Variants in NDUFA10 observed in about 807,000 individuals in gnomAD.
The protein encoded by NDUFA10 is NADH dehydrogenase [ubiquinone] 1 alpha subcomplex subunit 10, mitochondrial.
NDUFA10 carries 40 observed loss-of-function variants against 47.8 expected under a neutral mutation model. That is an observed-to-expected ratio of 0.84 (90% CI 0.65 to 1.09). NDUFA10 has a LOEUF of 1.09. Ranked by LOEUF, NDUFA10 falls within the 50% of genes least tolerant of loss-of-function variation. The pLI, the probability that NDUFA10 is intolerant of heterozygous loss-of-function variation, is 0.00. For missense variants in NDUFA10, 413 were observed against 451.1 expected (o/e 0.92, Z 0.76); for synonymous variants, 183 against 172.2 (o/e 1.06, Z -0.49).
intron 4 of NDUFA10, among the ~76,000 whole-genome samples, chr2:239,931,981 G>A (rs768396660): frequency 1.4e-4 from 21 of 151,846 alleles, no homozygotes; most frequent in South Asian, 2.1e-4. Context: ...GACCACAGGC[G>A]CCCATCACCA....
chr2:240,018,210 C>G (rs538694952), intron 4 of NDUFA10, among the ~76,000 whole-genome samples: 1 of 152,332 alleles, frequency 6.6e-6, no homozygotes, highest in East Asian at 1.9e-4. Context: ...AAGTCTGTTA[C>G]AATTAGAGCT....
At chr2:240,013,434 GA>G (rs1200561878) in intron 5 of NDUFA10, 1 of 152,206 alleles carries the variant, frequency 6.6e-6, no homozygotes, top group Non-Finnish European at 1.5e-5. Context: ...TTAAATGTAT[GA>G]CTTTGTTTTT....
rs115802926 is a variant in NDUFA10, at chr2:239,981,151, A to G, written c.999+8923T>C. ...AGGATACCCGGTTAAAAACCTTGGG[A>G]CATACTTATACTAAAATACTAGCTG... On this transcript the variant is annotated intron_variant, in intron 9 of 9. Coordinates refer to ENST00000252711, the MANE Select transcript of NDUFA10 (RefSeq NM_004544.4). Among the ~76,000 whole-genome samples, 725 of 152,334 alleles carry G rather than the reference A, an allele frequency of 4.8e-3. 9 individuals carry two copies. Among genetic ancestry groups the G allele is most frequent in the African/African-American group, 0.016 (679 of 41,568 alleles).
intron 9 of NDUFA10, among the ~76,000 whole-genome samples, chr2:239,989,307 T>C (rs1481855020): frequency 6.6e-6 from 1 of 152,248 alleles, no homozygotes; most frequent in East Asian, 1.9e-4. Context: ...TTCAGGCAAT[T>C]TGCTCATATC....
At chr2:239,954,233 G>T (rs968858657), downstream of NDUFA10, among the ~76,000 whole-genome samples, 1 of 147,210 alleles carries the variant, frequency 6.8e-6, no homozygotes, top group Non-Finnish European at 1.5e-5. Context: ...GACTGTGAGA[G>T]TGGGTTCCCC....
intron 4 of NDUFA10, among the ~76,000 whole-genome samples, chr2:239,946,303 G>A (rs1444263278): frequency 6.6e-6 from 1 of 152,196 alleles, no homozygotes; most frequent in Non-Finnish European, 1.5e-5. Flanking sequence ...CCCAGCAGAC[G>A]GGGAGATGGG....
At chr2:239,956,375 C>T (rs1349421418), downstream of NDUFA10, among the ~76,000 whole-genome samples, 1 of 152,222 alleles carries the variant, frequency 6.6e-6, no homozygotes. Flanking sequence ...GTCCCTCTGG[C>T]TGCAGAGGGG....
chr2:239,911,668 A>AGTGTGTGTGTGT (rs1209330426), intron 4 of NDUFA10, among the ~76,000 whole-genome samples: 18 of 79,286 alleles, frequency 2.3e-4, no homozygotes, highest in Middle Eastern at 6.5e-3. Flanking sequence ...AAAACATGAG[A>AGTGTGTGTGTGT]GAGTGTGTGT....
At chr2:239,951,148 C>T (rs1484480365) in intron 4 of NDUFA10, among the ~76,000 whole-genome samples, 1 of 152,218 alleles carries the variant, frequency 6.6e-6, no homozygotes, top group African/African-American at 2.4e-5. Flanking sequence ...GGCTCTGGGG[C>T]CCTTTCCAGC....
chr2:239,914,049 C>G (rs1261769435), intron 4 of NDUFA10, among the ~76,000 whole-genome samples: 1 of 152,188 alleles, frequency 6.6e-6, no homozygotes, highest in Non-Finnish European at 1.5e-5. Flanking sequence ...CTGGGCTTGG[C>G]AAGATCTGAG....
intron 7 of NDUFA10, among the ~76,000 whole-genome samples, chr2:240,006,165 T>C (rs972479306): frequency 1.3e-5 from 2 of 152,182 alleles, no homozygotes; most frequent in East Asian, 1.9e-4. Context: ...TCAAATAACA[T>C]AGTATTGGAG....
chr2:239,924,739 T>C (rs1245054942), intron 4 of NDUFA10, among the ~76,000 whole-genome samples: 1 of 151,972 alleles, frequency 6.6e-6, no homozygotes, highest in Non-Finnish European at 1.5e-5. Flanking sequence ...ACAAATGGCA[T>C]AGAGATTGGA....
Position 239,906,233 on chromosome 2 carries a change from A to G in NDUFA10, c.295-10919T>C, listed in dbSNP as rs1693653162. Among the ~76,000 whole-genome samples the G allele has an allele frequency of 6.6e-6, 1 of 152,190 alleles. No individual in the cohort carries two copies. Among genetic ancestry groups the G allele is most frequent in the Admixed American group, 6.5e-5 (1 of 15,280 alleles). ...TGGTTGGAAATATTACCCGGAAGGA[A>G]GTCAGTATATAATTAAAAGTCATTT... On this transcript the variant is annotated intron_variant, in intron 4 of 5. Transcript: ENST00000419408. This position sits in a 1 kb window ranked among gnomAD's most constrained non-coding sequence, Gnocchi z 4.3.
At chr2:239,913,630 A>G (rs1693791414) in intron 4 of NDUFA10, among the ~76,000 whole-genome samples, 1 of 152,224 alleles carries the variant, frequency 6.6e-6, no homozygotes, top group African/African-American at 2.4e-5. Context: ...TCCTGCATGT[A>G]TGCGTCAGGC....
intron 3 of NDUFA10, 115 bp from the exon 4 acceptor site, chr2:240,018,754 C>A: frequency 8.8e-7 from 1 of 1,137,452 alleles, no homozygotes; most frequent in Non-Finnish European, 1.3e-6. Flanking sequence ...TCCATTTCCA[C>A]ACCAAAATAC....
Position 239,960,987 on chromosome 2 carries a change from C to G in NDUFA10, c.*131G>C. The G allele has an allele frequency of 6.5e-7, 1 of 1,544,306 alleles. No homozygotes were observed. Among genetic ancestry groups the G allele is most frequent in the East Asian group, 2.5e-5 (1 of 40,782 alleles). On this transcript the variant is annotated 3_prime_UTR_variant, in exon 10 of 10. Coordinates refer to ENST00000252711, the MANE Select transcript of NDUFA10 (RefSeq NM_004544.4). ...ACAGGATGGATTGCTTTTTGTGAGACCCCTTCTTCCACTGTGCAATTTTTG... is the reference window on the plus strand; with the variant it reads ...ACAGGATGGATTGCTTTTTGTGAGAGCCCTTCTTCCACTGTGCAATTTTTG...
chr2:239,899,720 C>T (rs530967469), intron 4 of NDUFA10, among the ~76,000 whole-genome samples: 8 of 152,146 alleles, frequency 5.3e-5, no homozygotes, highest in Admixed American at 5.2e-4. Flanking sequence ...GCTCCTGGGC[C>T]TCAATGCAAC....
At chr2:239,995,248 G>A (rs995840851) in intron 8 of NDUFA10, among the ~76,000 whole-genome samples, 3 of 151,972 alleles carry the variant, frequency 2.0e-5, no homozygotes, top group African/African-American at 4.8e-5. Context: ...CAGCCTGGGC[G>A]ATGGGCAACA....
chr2:239,940,439 G>A (rs867728978), intron 4 of NDUFA10, among the ~76,000 whole-genome samples: 1 of 152,212 alleles, frequency 6.6e-6, no homozygotes, highest in Non-Finnish European at 1.5e-5. Flanking sequence ...CTGGAAGTAC[G>A]CTCTGAGTTT....
Sources: gnomAD v4.1 joint callset for allele counts (sites outside exome capture counted in the v4.1 genomes callset) on GRCh38, gnomAD v4.1.1 for gene constraint, Gnocchi (gnomAD v3.1) non-coding constraint, MANE v1.5 for transcripts, NCBI Gene and HGNC (gene_info 2026-07-23, HGNC 2026-07-21) for gene names.